ZNF385B: variants seen among roughly 807,000 people sequenced by gnomAD.
ZNF385B encodes the protein zinc finger protein 533.
A neutral mutation model predicts 39.2 loss-of-function variants in ZNF385B; 23 were observed. The observed-to-expected ratio is 0.59, with a 90% CI of 0.42 to 0.83. The LOEUF is 0.83. Ranked by LOEUF, ZNF385B falls within the 40% of genes least tolerant of loss-of-function variation. The pLI is 0.00. For synonymous variants in ZNF385B, 205 were observed against 222.6 expected (o/e 0.92, Z 0.70); for missense variants, 552 against 598.9 (o/e 0.92, Z 0.82).
chr2:179,493,775 G>A (rs995923907), intron 5 of ZNF385B, among the ~76,000 whole-genome samples: 33 of 77,780 alleles, frequency 4.2e-4, no homozygotes, highest in Non-Finnish European at 7.1e-4. Flanking sequence ...ATACATATAT[G>A]TATATACACA....
intron 1 of ZNF385B, among the ~76,000 whole-genome samples, chr2:179,792,124 C>G (rs1705365575): frequency 1.3e-5 from 2 of 152,076 alleles, no homozygotes; most frequent in South Asian, 4.1e-4. Context: ...TTTTGGCACC[C>G]CCTAAAGTGT....
chr2:179,623,944 C>T (rs1690441453), intron 3 of ZNF385B, among the ~76,000 whole-genome samples: 1 of 152,102 alleles, frequency 6.6e-6, no homozygotes, highest in African/African-American at 2.4e-5. Context: ...CCTATGTTTC[C>T]TTCTAAAGGG....
intron 6 of ZNF385B, among the ~76,000 whole-genome samples, chr2:179,477,580 G>A (rs774275929): frequency 6.6e-6 from 1 of 152,182 alleles, no homozygotes; most frequent in Admixed American, 6.5e-5. Context: ...TGAAAATGGG[G>A]AGCGTGTTCA....
chr2:179,821,628 T>C (rs1575553922), intron 1 of ZNF385B, among the ~76,000 whole-genome samples: 1 of 152,246 alleles, frequency 6.6e-6, no homozygotes, highest in African/African-American at 2.4e-5. Context: ...TTTTAAGATG[T>C]CATTCCTTAT....
At chr2:179,533,062 C>G (rs1481398794) in intron 4 of ZNF385B, among the ~76,000 whole-genome samples, 2 of 152,160 alleles carry the variant, frequency 1.3e-5, no homozygotes, top group African/African-American at 4.8e-5. Flanking sequence ...TACCCTTGCA[C>G]TGTAACAAAA....
chr2:179,733,581 G>A (rs551887235), intron 3 of ZNF385B, among the ~76,000 whole-genome samples: 1 of 152,234 alleles, frequency 6.6e-6, no homozygotes, highest in East Asian at 1.9e-4. Context: ...AGGAGATTGA[G>A]ACTATCCTGG....
intron 4 of ZNF385B, chr2:179,536,451 T>C (rs1276148669): frequency 1.3e-5 from 2 of 152,118 alleles, no homozygotes; most frequent in African/African-American, 4.8e-5. Context: ...CCATGTGACA[T>C]TGGGACTAGG....
chr2:179,652,550 TTA>T (rs1693290084), intron 3 of ZNF385B, among the ~76,000 whole-genome samples: 1 of 152,110 alleles, frequency 6.6e-6, no homozygotes, highest in Non-Finnish European at 1.5e-5. Flanking sequence ...GGTGTTATGG[TTA>T]TTACCATAAC....
intron 3 of ZNF385B, among the ~76,000 whole-genome samples, chr2:179,715,772 TTAAA>T (rs1700293575): frequency 6.6e-6 from 1 of 152,154 alleles, no homozygotes; most frequent in African/African-American, 2.4e-5. Context: ...TTAAATAATG[TTAAA>T]TAAATATTAA....
intron 3 of ZNF385B, among the ~76,000 whole-genome samples, chr2:179,614,997 G>A (rs1021558805): frequency 6.6e-6 from 1 of 152,182 alleles, no homozygotes; most frequent in African/African-American, 2.4e-5. Context: ...TGTTATGCCT[G>A]CTATTGGGTG....
chr2:179,508,015 G>T (rs1347166937), intron 5 of ZNF385B, among the ~76,000 whole-genome samples: 1 of 152,124 alleles, frequency 6.6e-6, no homozygotes, highest in Non-Finnish European at 1.5e-5. Flanking sequence ...AGTAGCTAAA[G>T]GGTACCTCTT....
chr2:179,443,013 G>C lies in ZNF385B; in HGVS notation c.*237C>G. The C allele has an allele frequency of 1.7e-6, 1 of 596,458 alleles. No homozygotes were observed. The highest frequency in any genetic ancestry group is 2.0e-5 in the South Asian group (1 of 50,752). The allele number at this position is 596,458 out of a possible 1,614,324, so 36.9% of individuals were successfully genotyped here. A position where few individuals can be genotyped will look rare whatever the true frequency, so the allele number is the denominator to read the frequency against. ...TACACAAATTGAACGCGGTAGGGTG[G>C]GGGAGGAAGTAGGGAGATAAAGCCT... On this transcript the variant is annotated 3_prime_UTR_variant, in exon 10 of 10. Transcript: ENST00000410066.
intron 1 of ZNF385B, among the ~76,000 whole-genome samples, chr2:179,827,766 T>C (rs1452199171): frequency 1.3e-5 from 2 of 152,098 alleles, no homozygotes; most frequent in Admixed American, 6.6e-5. Flanking sequence ...CAAGCAAACA[T>C]CATAGAACCT....
chr2:179,513,098 G>A (rs903444094), intron 5 of ZNF385B, among the ~76,000 whole-genome samples: 5 of 152,090 alleles, frequency 3.3e-5, no homozygotes, highest in African/African-American at 4.8e-5. Flanking sequence ...TTCAATAAAC[G>A]TATTTTCTAC....
intron 3 of ZNF385B, chr2:179,584,088 A>G: frequency 2.0e-6 from 1 of 507,592 alleles, no homozygotes; most frequent in Non-Finnish European, 3.7e-6. Context: ...CAGAAAAATA[A>G]GTAGGTAATT....
At chr2:179,494,089 T>A (rs542164041) in intron 5 of ZNF385B, among the ~76,000 whole-genome samples, 52 of 151,784 alleles carry the variant, frequency 3.4e-4, no homozygotes, top group Non-Finnish European at 5.3e-4. Flanking sequence ...AAGTAAGGGG[T>A]AGACTATGGT....
At chr2:179,767,409 C>T (rs1043590983) in intron 3 of ZNF385B, among the ~76,000 whole-genome samples, 8 of 152,118 alleles carry the variant, frequency 5.3e-5, no homozygotes, top group Admixed American at 5.2e-4. Flanking sequence ...CTCATGTGCC[C>T]AGCCCTCCAC....
intron 3 of ZNF385B, among the ~76,000 whole-genome samples, chr2:179,623,332 C>T (rs952391877): frequency 4.6e-5 from 7 of 151,902 alleles, no homozygotes; most frequent in African/African-American, 1.7e-4. Context: ...GAATTCTGCA[C>T]CTTCATAAGT....
chr2:179,700,323 T>C (rs1410899409), intron 3 of ZNF385B, among the ~76,000 whole-genome samples: 1 of 152,182 alleles, frequency 6.6e-6, no homozygotes, highest in East Asian at 1.9e-4. Flanking sequence ...CCACATTCCA[T>C]CGCTCGTATG....
Sources: gnomAD v4.1 joint callset for allele counts (sites outside exome capture counted in the v4.1 genomes callset) on GRCh38, gnomAD v4.1.1 for gene constraint, MANE v1.5 for transcripts, NCBI Gene and HGNC (gene_info 2026-07-23, HGNC 2026-07-21) for gene names.